C16orf46: variants seen among roughly 807,000 people sequenced by gnomAD.
C16orf46 encodes the protein uncharacterized protein C16orf46.
A neutral mutation model predicts 5.5 loss-of-function variants in C16orf46; 7 were observed. The observed-to-expected ratio is 1.28, with a 90% CI of 0.73 to 2.40. The LOEUF (loss-of-function observed/expected upper bound fraction) is 2.40. Ranked by LOEUF, C16orf46 falls within the 30% of genes most tolerant of loss-of-function variation. C16orf46 has a pLI of 0.00. For synonymous variants in C16orf46, 200 were observed against 184.1 expected (o/e 1.09, Z -0.70); for missense variants, 614 against 476.0 (o/e 1.29, Z -2.70).
intron 2 of C16orf46, among the ~76,000 whole-genome samples, chr16:81,064,983 G>GGT (rs1242015771): frequency 6.6e-6 from 1 of 152,046 alleles, no homozygotes; most frequent in African/African-American, 2.4e-5. Flanking sequence ...TAAAACAGTA[G>GGT]GTGATGGTGA....
In C16orf46 at chr16:81,070,308, T is replaced by C. The variant is rs188948230; in HGVS notation, c.-127-4027A>G. Reference sequence around the variant, plus strand: ...ATTGACAAGCAAGTTTTAGAATTTATTGGGAAAGGCAAAGGAACTAGAATA... The same window carrying C: ...ATTGACAAGCAAGTTTTAGAATTTACTGGGAAAGGCAAAGGAACTAGAATA... On this transcript the variant is annotated intron_variant, in intron 1 of 3. Coordinates refer to ENST00000299578, the MANE Select transcript of C16orf46 (RefSeq NM_152337.3). 8.2e-4 allele frequency among the ~76,000 whole-genome samples: 125 copies of C among 152,272 alleles called. 2 individuals are homozygous for C. The South Asian group carries it at 0.012, about 15-fold the overall frequency.
At chr16:81,065,473 CAAAAAAAAAAAAA>C (rs11303086) in intron 2 of C16orf46, among the ~76,000 whole-genome samples, 1 of 65,386 alleles carries the variant, frequency 1.5e-5, no homozygotes, top group Admixed American at 1.7e-4. Flanking sequence ...GAATCCGTCT[CAAAAAAAAAAAAA>C]AAAAAAAAGC....
At chr16:81,075,452 T>C (rs553069598) in intron 1 of C16orf46, among the ~76,000 whole-genome samples, 1 of 152,228 alleles carries the variant, frequency 6.6e-6, no homozygotes, top group Admixed American at 6.5e-5. Flanking sequence ...TAGCCAGGCA[T>C]GGTGGCTCAC....
exon 4 of C16orf46, chr16:81,053,536 TA>T (rs1971207664): frequency 6.6e-6 from 1 of 152,236 alleles, no homozygotes; most frequent in Non-Finnish European, 1.5e-5. Context: ...TACTAATTAA[TA>T]ACAAAATAAA....
chr16:81,061,654 G>A lies in C16orf46; in HGVS notation c.695C>T (p.Ser232Phe). ...LDVLGKKSKNSFLQSEEKVLD... is the reference protein window; with the variant it reads ...LDVLGKKSKNFFLQSEEKVLD... ...CACCTTCTCTTCTGACTGCAAGAAAGAGTTCTTACTCTTCTTACCCAGAAC... is the reference window on the plus strand; with the variant it reads ...CACCTTCTCTTCTGACTGCAAGAAAAAGTTCTTACTCTTCTTACCCAGAAC... The change falls in exon 4 of 4, where the codon TCT (serine) becomes TTT (phenylalanine). Residue 232 changes from serine to phenylalanine, a missense_variant. Coordinates refer to ENST00000299578, the MANE Select transcript of C16orf46 (RefSeq NM_152337.3). 1 of 1,614,136 alleles carries A rather than the reference G, an allele frequency of 6.2e-7. No individual in the cohort carries two copies. The highest frequency in any genetic ancestry group is 8.5e-7 in the Non-Finnish European group (1 of 1,180,028).
At chr16:81,066,598 C>A (rs1971663057) in intron 1 of C16orf46, among the ~76,000 whole-genome samples, 1 of 152,162 alleles carries the variant, frequency 6.6e-6, no homozygotes, top group South Asian at 2.1e-4. Flanking sequence ...ATCAATAGAT[C>A]AAAGAAAAGA....
intron 1 of C16orf46, chr16:81,072,239 A>G (rs898087087): frequency 1.3e-5 from 2 of 151,252 alleles, no homozygotes; most frequent in Non-Finnish European, 2.9e-5. Flanking sequence ...AGGTAAGTAC[A>G]GTTACTGAGA....
chr16:81,067,191 T>G (rs894549435), intron 1 of C16orf46, among the ~76,000 whole-genome samples: 2 of 152,328 alleles, frequency 1.3e-5, no homozygotes, highest in Admixed American at 1.3e-4. Context: ...AAATACCTTT[T>G]CTAGTAGCAT....
At chr16:81,076,635 A>C (rs985408158) in intron 1 of C16orf46, 2 of 152,618 alleles carry the variant, frequency 1.3e-5, no homozygotes, top group Non-Finnish European at 2.9e-5. Flanking sequence ...TACAGTCCAC[A>C]GCAAAGCGCA....
Position 81,061,717 on chromosome 16 carries a change from A to T in C16orf46, c.632T>A (p.Leu211Gln), listed in dbSNP as rs931276281. The T allele has an allele frequency of 6.2e-7, 1 of 1,614,088 alleles. No individual in the cohort carries two copies. The highest frequency in any genetic ancestry group is 1.3e-5 in the African/African-American group (1 of 75,068). ...TGAAAGTGAAGCCTTCAGGGGAGGC[A>T]GAACTAGGAGGGCCCTGGAAGTCAG... ...GPLTSRALLV[L>Q]PPLKASLSNA... Residue 211 changes from leucine (L) to glutamine (Q), a missense_variant, in exon 4 of 4, where the codon CTG becomes CAG. Physicochemically the swap from Leu to Gln is moderately radical, Grantham distance 113. Transcript: ENST00000299578.
At chr16:81,070,521 A>G (rs1971813707) in intron 1 of C16orf46, among the ~76,000 whole-genome samples, 1 of 152,218 alleles carries the variant, frequency 6.6e-6, no homozygotes, top group Non-Finnish European at 1.5e-5. Context: ...TTTTTTAAAC[A>G]AAGGCACACA....
At chr16:81,068,583 T>TTTTTA (rs1971731510) in intron 1 of C16orf46, among the ~76,000 whole-genome samples, 1 of 150,044 alleles carries the variant, frequency 6.7e-6, no homozygotes, top group Admixed American at 6.7e-5. Flanking sequence ...TTTTTTTTTT[T>TTTTTA]GAGATGGGGT....
At chr16:81,060,202 A>C (rs968537444), downstream of C16orf46, among the ~76,000 whole-genome samples, 3 of 152,176 alleles carry the variant, frequency 2.0e-5, no homozygotes, top group Non-Finnish European at 4.4e-5. Context: ...TGGCACCCTG[A>C]AAATGCAGGA....
chr16:81,057,199 T>C (rs1971322951), downstream of C16orf46, among the ~76,000 whole-genome samples: 1 of 152,152 alleles, frequency 6.6e-6, no homozygotes, highest in African/African-American at 2.4e-5. Flanking sequence ...AGCATTGCTG[T>C]AAATACAGCA....
intron 1 of C16orf46, among the ~76,000 whole-genome samples, chr16:81,068,678 G>C (rs527649646): frequency 2.0e-5 from 3 of 148,014 alleles, no homozygotes; most frequent in African/African-American, 7.5e-5. Flanking sequence ...GGGATTACAG[G>C]CATGAGCCCA....
chr16:81,058,036 AAAC>A, downstream of C16orf46: 1 of 171,924 alleles, frequency 5.8e-6, no homozygotes, highest in East Asian at 1.8e-4. Context: ...ATCTCAAACA[AAAC>A]AAAACAAAAC....
At position 81,060,986 on chromosome 16, in the gene C16orf46, T is replaced by G; in HGVS notation, c.*175A>C. Reference sequence around the variant, plus strand: ...ATAAATCCCAACAATCCACTGAGGTTCAGTTTTCTTCAGTTGTACTACAAA... The same window carrying G: ...ATAAATCCCAACAATCCACTGAGGTGCAGTTTTCTTCAGTTGTACTACAAA... On this transcript the variant is annotated 3_prime_UTR_variant, in exon 4 of 4. Transcript: ENST00000299578. The G allele has an allele frequency of 7.2e-7, 1 of 1,384,836 alleles. No individual in the cohort carries two copies. The highest frequency in any genetic ancestry group is 3.0e-5 in the Admixed American group (1 of 33,386). The allele number at this position is 1,384,836 out of a possible 1,614,324, so 85.8% of individuals were successfully genotyped here.
At chr16:81,071,886 C>G (rs1597151936) in intron 1 of C16orf46, 1 of 152,210 alleles carries the variant, frequency 6.6e-6, no homozygotes, top group African/African-American at 2.4e-5. Context: ...CCCAAAGAGC[C>G]ACTGTCTTTG....
Position 81,061,433 on chromosome 16 carries a change from C to G in C16orf46, c.916G>C (p.Glu306Gln), listed in dbSNP as rs907989539. 4 of 1,614,152 alleles carry G rather than the reference C, an allele frequency of 2.5e-6. No homozygotes were observed. The highest frequency in any genetic ancestry group is 3.4e-6 in the Non-Finnish European group (4 of 1,180,024). ...QRCLHWSLLS[E>Q]KNLACPPDPS... is the part of the protein sequence containing the mutation. ...TCTGGAGGGCACGCCAGGTTTTTCTCAGACAGGAGGGACCAATGCAGGCAG... is the reference window on the plus strand; with the variant it reads ...TCTGGAGGGCACGCCAGGTTTTTCTGAGACAGGAGGGACCAATGCAGGCAG... The change falls in exon 4 of 4, where the codon GAG becomes CAG. Residue 306 changes from glutamate (E) to glutamine (Q), a missense_variant. By Grantham distance (29) the Glu-to-Gln change is conservative. Coordinates refer to ENST00000299578, the MANE Select transcript of C16orf46 (RefSeq NM_152337.3).
Sources: allele counts gnomAD v4.1 joint callset (sites outside exome capture counted in the v4.1 genomes callset), GRCh38; gene constraint gnomAD v4.1.1; transcripts MANE v1.5; gene names NCBI Gene and HGNC (gene_info 2026-07-23, HGNC 2026-07-21).